Variants in PLRG1 observed in about 807,000 individuals in gnomAD.
PLRG1 encodes the protein pleiotropic regulator 1 (PRL1 homolog, Arabidopsis).
Under a neutral mutation model 74.9 loss-of-function variants are expected in PLRG1, and 28 were observed. That is an observed-to-expected ratio of 0.37 (90% CI 0.28 to 0.51). The LOEUF (loss-of-function observed/expected upper bound fraction) is 0.51, where lower values mean the gene tolerates loss of function less well. Ranked by LOEUF, PLRG1 falls within the 20% of genes least tolerant of loss-of-function variation. The probability of loss-of-function intolerance (pLI) is 0.91; values close to 1 mark genes in which losing one functional copy is unlikely to be tolerated. For missense variants in PLRG1, 445 were observed against 631.9 expected (o/e 0.70, Z 3.17); for synonymous variants, 197 against 212.4 (o/e 0.93, Z 0.63).
intron 3 of PLRG1, chr4:154,547,338 T>C (rs1729676772): frequency 1.9e-6 from 1 of 533,596 alleles, no homozygotes; most frequent in Non-Finnish European, 3.3e-6. Context: ...AATGGTTTCC[T>C]GTGGAATCTT....
At position 154,538,006 on chromosome 4, in the gene PLRG1, T is replaced by C; in HGVS notation, c.1254A>G (p.Thr418=). ...GCACTCCATCAGAATTTACCGTCAA[T>C]GTGTTAATAATAGCATTATGACCGG... ...NLSGHNAIIN[T]LTVNSDGVLV... Residue 418 remains threonine, a synonymous_variant, in exon 13 of 15, where the codon ACA becomes ACG. Coordinates refer to ENST00000499023, the MANE Select transcript of PLRG1 (RefSeq NM_002669.4). 1 of 1,545,916 alleles carries C rather than the reference T, an allele frequency of 6.5e-7. No individual in the cohort carries two copies. Among genetic ancestry groups the C allele is most frequent in the East Asian group, 2.3e-5 (1 of 44,056 alleles).
intron 10 of PLRG1, 180 bp downstream of exon 10, chr4:154,540,414 A>T: frequency 1.7e-6 from 1 of 606,020 alleles, no homozygotes; most frequent in Non-Finnish European, 2.9e-6. Context: ...TGGTGAGGCC[A>T]TACAACTGAA....
chr4:154,539,168 T>C lies in PLRG1; in HGVS notation c.1088A>G (p.Lys363Arg). Residue 363 changes from lysine to arginine, a missense_variant, in exon 12 of 15, where the codon AAA becomes AGA. Physicochemically the swap from Lys to Arg is conservative, Grantham distance 26. Around this residue, in one of 3 missense-constraint regions of PLRG1, gnomAD observed 221 missense variants for 377.7 expected, o/e 0.59. Transcript: ENST00000499023. The part of the protein sequence containing the change: ...TIRLWDLVAG[K>R]TRVTLTNHKK... ...GTGATTTGTTAATGTCACTCTTGTT[T>C]TTCCAGCCACCAGATCCCATAATCG... 4 of 1,612,666 alleles carry C rather than the reference T, an allele frequency of 2.5e-6. No homozygotes were observed. Among genetic ancestry groups the C allele is most frequent in the Non-Finnish European group, 3.4e-6 (4 of 1,178,754 alleles).
At chr4:154,540,746 G>A (rs1344838979) in intron 9 of PLRG1, 39 bp downstream of exon 9, 1 of 1,607,308 alleles carries the variant, frequency 6.2e-7, no homozygotes, top group South Asian at 1.1e-5. Flanking sequence ...AAGATAAATA[G>A]TAGTTCACAA....
intron 4 of PLRG1, chr4:154,546,626 C>A: frequency 3.3e-6 from 1 of 305,760 alleles, no homozygotes; most frequent in Non-Finnish European, 6.1e-6. Context: ...TACCCTGTTA[C>A]ACTGGCCACT....
chr4:154,539,231 A>G lies in PLRG1; in HGVS notation c.1043-18T>C. ...ATGGCTTCCTGTAATGGAAACACAT[A>G]TATCCCTCAAAACATAGACCAGGAA... is the stretch of plus-strand genomic sequence containing the variant. On this transcript the variant is annotated intron_variant, in intron 11 of 14. Transcript: ENST00000499023. 1 of 1,362,900 alleles carries G rather than the reference A, an allele frequency of 7.3e-7. No individual in the cohort carries two copies. The highest frequency in any genetic ancestry group is 1.1e-6 in the Non-Finnish European group (1 of 951,142). The allele number at this position is 1,362,900 out of a possible 1,614,324, so 84.4% of individuals were successfully genotyped here. A position where few individuals can be genotyped will look rare whatever the true frequency, so the allele number is the denominator to read the frequency against.
At chr4:154,540,719 A>G (rs547593449) in intron 9 of PLRG1, 24 bp from the exon 10 acceptor site, 16 of 1,609,692 alleles carry the variant, frequency 9.9e-6, no homozygotes, top group African/African-American at 1.3e-5. Flanking sequence ...AGGAAAGTTA[A>G]AACTTCTAGA....
intron 8 of PLRG1, among the ~76,000 whole-genome samples, chr4:154,541,456 T>C (rs1729554481): frequency 6.6e-6 from 1 of 152,154 alleles, no homozygotes; most frequent in Non-Finnish European, 1.5e-5. Context: ...GGTATCAGCT[T>C]CAAAAATATT....
chr4:154,543,658 G>A lies in PLRG1; in HGVS notation c.594+787C>T, dbSNP rs141334856. The stretch of plus-strand genomic sequence containing the variant: ...GCACAAGGGTGTTTTTTGAGGTGGT[G>A]TAACATCTATATCCTAATTGTGGTA... On this transcript the variant is annotated intron_variant, in intron 7 of 14. Coordinates refer to ENST00000499023, the MANE Select transcript of PLRG1 (RefSeq NM_002669.4). 6.6e-3 allele frequency among the ~76,000 whole-genome samples: 1,001 copies of A among 152,242 alleles called. 15 individuals are homozygous for A. Among genetic ancestry groups the A allele is most frequent in the African/African-American group, 0.023 (959 of 41,540 alleles).
chr4:154,537,485 A>G lies in PLRG1; in HGVS notation c.1292-6T>C. 6.2e-7 allele frequency: 1 copy of G among 1,611,188 alleles called. No homozygotes were observed. The highest frequency in any genetic ancestry group is 1.1e-5 in the South Asian group (1 of 90,970). ...ATGCATGGTGCCATTGTCAGCTTAA[A>G]GGGAAAAATCTAGTTACACCTGGTA... On this transcript the variant is annotated splice_polypyrimidine_tract_variant and splice_region_variant and intron_variant, in intron 13 of 14. Coordinates refer to ENST00000499023, the MANE Select transcript of PLRG1 (RefSeq NM_002669.4).
Position 154,542,224 on chromosome 4 carries a change from T to C in PLRG1, c.650A>G (p.Gln217Arg). 6.2e-7 allele frequency: 1 copy of C among 1,612,126 alleles called. No homozygotes were observed. Residue 217 changes from glutamine (Q) to arginine (R), a missense_variant, in exon 8 of 15, where the codon CAG becomes CGG. Around this residue, in one of 3 missense-constraint regions of PLRG1, gnomAD observed 221 missense variants for 377.7 expected, o/e 0.59. Coordinates refer to ENST00000499023, the MANE Select transcript of PLRG1 (RefSeq NM_002669.4). ...VRCIAVEPGN[Q>R]WFVTGSADRT... ...GTCAGCAGATCCAGTAACAAACCACTGATTTCCAGGTTCCACAGCAATACA... is the reference window on the plus strand; with the variant it reads ...GTCAGCAGATCCAGTAACAAACCACCGATTTCCAGGTTCCACAGCAATACA...
intron 1 of PLRG1, 25 bp from the exon 2 acceptor site, chr4:154,548,960 C>A: frequency 8.2e-7 from 1 of 1,214,292 alleles, no homozygotes; most frequent in Non-Finnish European, 1.2e-6. Context: ...TGTAATTACA[C>A]ACCTATCTAC....
Position 154,539,325 on chromosome 4 carries a change from T to C in PLRG1, c.1043-112A>G, listed in dbSNP as rs533555779. The C allele has an allele frequency of 1.6e-5, 11 of 669,118 alleles. No individual in the cohort carries two copies. In the African/African-American group the frequency reaches 2.0e-4, roughly 12 times the overall value. The allele number at this position is 669,118 out of a possible 1,614,324, so 41.4% of individuals were successfully genotyped here. On this transcript the variant is annotated intron_variant, in intron 11 of 14. Transcript: ENST00000499023. Reference sequence around the variant, plus strand: ...ACACATATGTTCTAAATGAAAGTCATATCACACGCAAATTAGTCTTGGCTA... The same window carrying C: ...ACACATATGTTCTAAATGAAAGTCACATCACACGCAAATTAGTCTTGGCTA...
At chr4:154,543,267 C>T (rs537633118) in intron 7 of PLRG1, among the ~76,000 whole-genome samples, 11 of 152,200 alleles carry the variant, frequency 7.2e-5, no homozygotes, top group Admixed American at 7.2e-4. Context: ...CCCACTTCAG[C>T]CTCTGGAGTA....
At chr4:154,548,965 A>G in intron 1 of PLRG1, 30 bp from the exon 2 acceptor site, 12 of 1,187,358 alleles carry the variant, frequency 1.0e-5, no homozygotes, top group Non-Finnish European at 1.5e-5. Context: ...TTACACACCT[A>G]TCTACAAATT....
chr4:154,549,358 A>C (rs1052781916), intron 1 of PLRG1, among the ~76,000 whole-genome samples: 2 of 152,254 alleles, frequency 1.3e-5, no homozygotes, highest in Non-Finnish European at 2.9e-5. Flanking sequence ...TGAAGGACTA[A>C]GTATAATTGT....
In PLRG1 at chr4:154,537,269, T is replaced by C. The variant is rs368684727; in HGVS notation, c.1485+17A>G. On this transcript the variant is annotated intron_variant, in intron 14 of 14. Coordinates refer to ENST00000499023, the MANE Select transcript of PLRG1 (RefSeq NM_002669.4). ...GTATAGCTGTTTTACTTAACGAATG[T>C]GAAACACAGAACTTACGGCTGTGTC... The C allele has an allele frequency of 5.4e-5, 84 of 1,568,420 alleles. No homozygotes were observed. Among genetic ancestry groups the C allele is most frequent in the Non-Finnish European group, 7.2e-5 (82 of 1,145,132 alleles).
chr4:154,548,876 G>C lies in PLRG1; in HGVS notation c.69C>G (p.Asp23Glu). 6.2e-7 allele frequency: 1 copy of C among 1,610,688 alleles called. No individual in the cohort carries two copies. Among genetic ancestry groups the C allele is most frequent in the Non-Finnish European group, 8.5e-7 (1 of 1,177,706 alleles). Residue 23 changes from aspartate to glutamate, a missense_variant, in exon 2 of 15, where the codon GAC becomes GAG. Asp to Glu is a conservative substitution (Grantham distance 45, BLOSUM62 2). Coordinates refer to ENST00000499023, the MANE Select transcript of PLRG1 (RefSeq NM_002669.4). Reference sequence around the variant, plus strand: ...GTTTTCCATTATCAGCTACAAACATGTCATGGGTCCTCTTCAACGACCTGA... The same window carrying C: ...GTTTTCCATTATCAGCTACAAACATCTCATGGGTCCTCTTCAACGACCTGA... ...LVFRSLKRTH[D>E]MFVADNGKPV...
chr4:154,540,339 T>C (rs151337882), intron 10 of PLRG1: 36 of 581,574 alleles, frequency 6.2e-5, no homozygotes, highest in African/African-American at 4.9e-4. Context: ...TAATGGACAA[T>C]AGTTGTTACA....
Sources: gnomAD v4.1 joint callset for allele counts (sites outside exome capture counted in the v4.1 genomes callset) on GRCh38, gnomAD v4.1.1 for gene constraint, gnomAD v4.1.1 regional missense constraint, MANE v1.5 for transcripts, NCBI Gene and HGNC (gene_info 2026-07-23, HGNC 2026-07-21) for gene names.